CRYBG1: variants seen among roughly 807,000 people sequenced by gnomAD.
CRYBG1 encodes the protein crystallin beta-gamma domain containing 1, also known as beta/gamma crystallin domain-containing protein 1.
In CRYBG1, 139 loss-of-function variants were observed where a neutral mutation model predicts 189.2. That is an observed-to-expected ratio of 0.73 (90% confidence interval 0.64 to 0.85). CRYBG1 has a LOEUF of 0.85. Among genes scored for constraint, CRYBG1 ranks in the 40% least tolerant of loss-of-function variants. The pLI, the probability that CRYBG1 is intolerant of heterozygous loss-of-function variation, is 0.00. For missense variants in CRYBG1, 2,611 were observed against 2,675.8 expected, an observed-to-expected ratio of 0.98 and a Z score of 0.53; for synonymous variants, 1,023 against 1,017.1, an observed-to-expected ratio of 1.01 and a Z score of -0.11.
rs748410382 is a variant in CRYBG1 at position 106,520,179 on chromosome 6, A to C, written c.2971A>C (p.Ser991Arg). 3.7e-6 allele frequency: 6 copies of C among 1,614,206 alleles called. No homozygotes were observed. Among genetic ancestry groups the C allele is most frequent in the Non-Finnish European group, 5.1e-6 (6 of 1,180,030 alleles). ...VREVQLPTCHSNEPEVVSVAS... is the reference protein window; with the variant it reads ...VREVQLPTCHRNEPEVVSVAS... ...AGAAGTGCAGTTGCCAACTTGTCAC[A>C]GTAATGAACCTGAAGTGGTTTCCGT... is the stretch of plus-strand genomic sequence containing the variant. The change falls in exon 4 of 22, where the codon AGT (serine) becomes CGT (arginine). Residue 991 changes from serine to arginine, a missense_variant. By Grantham distance (110) the Ser-to-Arg change is moderately radical. Transcript: ENST00000633556.
At chr6:106,541,481 A>G (rs1774129000) in intron 9 of CRYBG1, 105 bp from the exon 10 acceptor site, 5 of 1,100,348 alleles carry the variant, frequency 4.5e-6, no homozygotes, top group Admixed American at 1.7e-5. Flanking sequence ...AAACCAGAAC[A>G]TAGTCACACT....
chr6:106,422,247 C>A (rs13193600), intron 1 of CRYBG1, among the ~76,000 whole-genome samples: 1,910 of 152,106 alleles, frequency 0.013, 29 homozygotes, highest in Non-Finnish European at 0.015. Context: ...TTCACATGAC[C>A]AAGTAGTTGT....
At chr6:106,477,039 T>C (rs139263024) in intron 2 of CRYBG1, among the ~76,000 whole-genome samples, 1 of 152,308 alleles carries the variant, frequency 6.6e-6, no homozygotes, top group East Asian at 1.9e-4. Context: ...GTTATTATTA[T>C]TGGACCCCCA....
chr6:106,512,549 G>C lies in CRYBG1; in HGVS notation c.1432G>C (p.Val478Leu). 1 of 1,607,430 alleles carries C rather than the reference G, an allele frequency of 6.2e-7. No homozygotes were observed. The highest frequency in any genetic ancestry group is 8.5e-7 in the Non-Finnish European group (1 of 1,177,374). ...TCCGCGGGCAGCCCTCGACGGGGGC[G>C]TTGCCTCCGCTGCGAGCCCAGAGTC... ...KSPRAALDGG[V>L]ASAASPESKP... The change falls in exon 3 of 22, where the codon GTT (valine) becomes CTT (leucine). Residue 478 changes from valine to leucine, a missense_variant. Physicochemically the swap from Val to Leu is conservative, Grantham distance 32 (BLOSUM62 1). Coordinates refer to ENST00000633556, the MANE Select transcript of CRYBG1 (RefSeq NM_001371242.2).
chr6:106,482,793 A>T (rs1582788313), intron 2 of CRYBG1, among the ~76,000 whole-genome samples: 3 of 152,194 alleles, frequency 2.0e-5, no homozygotes, highest in Middle Eastern at 3.4e-3. Flanking sequence ...ATAATCATAA[A>T]AAAGTAAAAA....
intron 1 of CRYBG1, among the ~76,000 whole-genome samples, chr6:106,391,334 G>C (rs1251320792): frequency 2.0e-5 from 3 of 152,142 alleles, no homozygotes; most frequent in Non-Finnish European, 4.4e-5. Flanking sequence ...TGCCCACCTA[G>C]GCCTCCCAAA....
Position 106,520,102 on chromosome 6 carries a change from A to AGAGCACCCAGGATGT in CRYBG1, c.2899_2913dup (p.Thr967_Ser971dup), listed in dbSNP as rs747385461. ...GTCAGGTCCTTCGTGCTCCCCGTGG[A>AGAGCACCCAGGATGT]GAGCACCCAGGATGTGAGCTCCCAG... is the stretch of plus-strand genomic sequence containing the variant. On this transcript the variant is annotated inframe_insertion, in exon 4 of 22. Coordinates refer to ENST00000633556, the MANE Select transcript of CRYBG1 (RefSeq NM_001371242.2). 1 of 1,614,140 alleles carries AGAGCACCCAGGATGT rather than the reference A, an allele frequency of 6.2e-7. No individual in the cohort carries two copies. The highest frequency in any genetic ancestry group is 2.2e-5 in the East Asian group (1 of 44,890).
In CRYBG1 at chr6:106,553,505, A is replaced by C; in HGVS notation, c.5523A>C (p.Glu1841Asp). The C allele has an allele frequency of 6.2e-7, 1 of 1,614,136 alleles. No homozygotes were observed. Among genetic ancestry groups the C allele is most frequent in the Non-Finnish European group, 8.5e-7 (1 of 1,179,962 alleles). ...PQFQGHSQSFEETTSQIDDSF... is the reference protein window; with the variant it reads ...PQFQGHSQSFDETTSQIDDSF... ...TTCAAGGTCACAGTCAAAGTTTTGA[A>C]GAAACAACAAGTCAAATTGATGATT... The change falls in exon 16 of 22, where the codon GAA becomes GAC. Residue 1841 changes from glutamate to aspartate, a missense_variant. Transcript: ENST00000633556.
chr6:106,461,103 A>C (rs574552473), intron 2 of CRYBG1, among the ~76,000 whole-genome samples: 146 of 152,132 alleles, frequency 9.6e-4, no homozygotes, highest in African/African-American at 2.6e-3. Flanking sequence ...CTTTGGTTAA[A>C]GTAAATTTCT....
intron 1 of CRYBG1, among the ~76,000 whole-genome samples, chr6:106,411,309 G>A (rs968591708): frequency 6.6e-6 from 1 of 152,114 alleles, no homozygotes; most frequent in Admixed American, 6.5e-5. Flanking sequence ...TGTCTGATTC[G>A]AGCTTATCTT....
intron 8 of CRYBG1, among the ~76,000 whole-genome samples, chr6:106,530,593 C>G (rs1773856826): frequency 6.6e-6 from 1 of 151,836 alleles, no homozygotes; most frequent in African/African-American, 2.4e-5. Flanking sequence ...CTGATTTATT[C>G]AAAGCTGAGT....
At chr6:106,463,078 A>G (rs1224028579) in intron 2 of CRYBG1, among the ~76,000 whole-genome samples, 2 of 152,214 alleles carry the variant, frequency 1.3e-5, no homozygotes, top group Non-Finnish European at 2.9e-5. Context: ...CTCTTGAGCC[A>G]GAGAGTTCAA....
intron 1 of CRYBG1, among the ~76,000 whole-genome samples, chr6:106,449,821 A>G (rs1268867766): frequency 1.3e-5 from 2 of 152,238 alleles, no homozygotes; most frequent in Non-Finnish European, 1.5e-5. Flanking sequence ...TTTACTGTAC[A>G]CAAGTATTAC....
intron 17 of CRYBG1, 25 bp downstream of exon 17, chr6:106,555,922 T>G: frequency 6.2e-7 from 1 of 1,613,954 alleles, no homozygotes. Context: ...GTGAATAGTG[T>G]TGCAGAAATG....
chr6:106,479,288 G>A (rs1161048812), intron 2 of CRYBG1, among the ~76,000 whole-genome samples: 2 of 152,164 alleles, frequency 1.3e-5, no homozygotes, highest in Non-Finnish European at 2.9e-5. Context: ...TAGGCTGAGT[G>A]GCTTATACAA....
Position 106,521,046 on chromosome 6 carries a change from C to G in CRYBG1, c.3838C>G (p.Gln1280Glu). The stretch of plus-strand genomic sequence containing the variant: ...TACTTCTCAGAACGGTTCCCTATCT[C>G]AGTCTTCAGTGTCACAGCCCACGAC... Reference protein sequence around the residue: ...FSTSQNGSLSQSSVSQPTTEG... With the variant: ...FSTSQNGSLSESSVSQPTTEG... The change falls in exon 4 of 22, where the codon CAG becomes GAG. Residue 1280 changes from glutamine to glutamate, a missense_variant. By Grantham distance (29) the Gln-to-Glu change is conservative. Around this residue, in one of 3 missense-constraint regions of CRYBG1, gnomAD observed 1,622 missense variants for 1,735.0 expected, o/e 0.93. Transcript: ENST00000633556. The G allele has an allele frequency of 6.2e-7, 1 of 1,614,204 alleles. No homozygotes were observed. The highest frequency in any genetic ancestry group is 8.5e-7 in the Non-Finnish European group (1 of 1,180,034).
intron 6 of CRYBG1, among the ~76,000 whole-genome samples, chr6:106,526,417 T>C (rs1231862255): frequency 6.6e-6 from 1 of 152,218 alleles, no homozygotes; most frequent in Non-Finnish European, 1.5e-5. Context: ...GGAACAGTAC[T>C]TTTTCCTTTC....
At chr6:106,547,479 G>T (rs916142841) in intron 13 of CRYBG1, among the ~76,000 whole-genome samples, 7 of 152,324 alleles carry the variant, frequency 4.6e-5, no homozygotes, top group African/African-American at 1.7e-4. Flanking sequence ...AAGACTTTGT[G>T]GAGGAGGTGG....
intron 11 of CRYBG1, among the ~76,000 whole-genome samples, chr6:106,544,233 A>G (rs1774205914): frequency 6.6e-6 from 1 of 152,188 alleles, no homozygotes; most frequent in Non-Finnish European, 1.5e-5. Context: ...TAAATCGCTA[A>G]CTATTCATAA....
Sources: gnomAD v4.1 joint callset for allele counts (sites outside exome capture counted in the v4.1 genomes callset) on GRCh38, gnomAD v4.1.1 for gene constraint, gnomAD v4.1.1 regional missense constraint, MANE v1.5 for transcripts, NCBI Gene and HGNC (gene_info 2026-07-23, HGNC 2026-07-21) for gene names.